The following REDIC1 variants were observed in gnomAD, a reference collection of about 807,000 sequenced individuals.
REDIC1 encodes HEI10 Interacting Protein 1.
chr12:39,738,212 C>T, the REDIC1 span, among the ~76,000 whole-genome samples: 7 of 152,156 alleles, frequency 4.6e-5, no homozygotes, highest in African/African-American at 7.2e-5. Context: ...AAATCACTTG[C>T]TCATATGGAG....
At chr12:39,783,899 G>A in the REDIC1 span, among the ~76,000 whole-genome samples, 4 of 152,102 alleles carry the variant, frequency 2.6e-5, no homozygotes, top group South Asian at 2.1e-4. Context: ...AAATCAATGT[G>A]CAAAAATCAC....
At chr12:39,755,854 G>C in the REDIC1 span, 1 of 151,916 alleles carries the variant, frequency 6.6e-6, no homozygotes, top group Admixed American at 6.6e-5. Flanking sequence ...AAATTATACG[G>C]ATAAAATACT....
At chr12:39,751,161 C>G in the REDIC1 span, among the ~76,000 whole-genome samples, 1 of 152,094 alleles carries the variant, frequency 6.6e-6, no homozygotes, top group Non-Finnish European at 1.5e-5. Context: ...GCAATCTACT[C>G]ATCTGACAAA....
chr12:39,788,457 G>A, the REDIC1 span: 5 of 152,130 alleles, frequency 3.3e-5, no homozygotes, highest in Non-Finnish European at 7.4e-5. Context: ...TGGACAAAGG[G>A]ATGATTCACA....
At chr12:39,713,366 A>G in the REDIC1 span, among the ~76,000 whole-genome samples, 1 of 144,828 alleles carries the variant, frequency 6.9e-6, no homozygotes. Flanking sequence ...ATATACGTGT[A>G]TACACATATA....
chr12:39,893,652 T>G, the REDIC1 span, among the ~76,000 whole-genome samples: 5 of 152,194 alleles, frequency 3.3e-5, no homozygotes, highest in Non-Finnish European at 7.3e-5. Flanking sequence ...AAAAGTAAGA[T>G]AAAAGTTAAA....
chr12:39,652,893 G>A, the REDIC1 span, among the ~76,000 whole-genome samples: 1 of 152,002 alleles, frequency 6.6e-6, no homozygotes, highest in Non-Finnish European at 1.5e-5. Context: ...CTGTTCTGTT[G>A]ATTATGTTAG....
the REDIC1 span, among the ~76,000 whole-genome samples, chr12:39,720,564 T>C: frequency 1.3e-5 from 2 of 152,100 alleles, no homozygotes; most frequent in Non-Finnish European, 2.9e-5. Flanking sequence ...AGATTATTAT[T>C]GTTACTGCTA....
the REDIC1 span, among the ~76,000 whole-genome samples, chr12:39,655,844 T>G: frequency 1.2e-4 from 18 of 152,210 alleles, no homozygotes; most frequent in Non-Finnish European, 2.5e-4. Context: ...CAGTTTATCG[T>G]GTGCCTTTGG....
the REDIC1 span, among the ~76,000 whole-genome samples, chr12:39,725,463 T>C: frequency 2.6e-5 from 4 of 152,276 alleles, no homozygotes; most frequent in African/African-American, 9.6e-5. Flanking sequence ...CTATTTCTCA[T>C]ATGTCTTTAG....
chr12:39,820,717 T>TTATATA, the REDIC1 span, among the ~76,000 whole-genome samples: 67 of 132,662 alleles, frequency 5.1e-4, no homozygotes, highest in South Asian at 8.0e-4. Context: ...ATTTTTAAAT[T>TTATATA]TATATATATA....
chr12:39,819,432 G>A, the REDIC1 span, among the ~76,000 whole-genome samples: 535 of 152,148 alleles, frequency 3.5e-3, 5 homozygotes, highest in Middle Eastern at 0.024. Context: ...TGTATCTGAA[G>A]TGCTCTGTCC....
the REDIC1 span, among the ~76,000 whole-genome samples, chr12:39,637,101 C>T: frequency 6.6e-6 from 1 of 151,730 alleles, no homozygotes; most frequent in Non-Finnish European, 1.5e-5. Context: ...CTTCTCCCTC[C>T]CTTCTCTCCT....
chr12:39,719,734 T>C, the REDIC1 span, among the ~76,000 whole-genome samples: 3 of 152,186 alleles, frequency 2.0e-5, no homozygotes, highest in Non-Finnish European at 4.4e-5. Context: ...TAAAGAAGCA[T>C]GTTTAGATTT....
chr12:39,682,576 T>C, the REDIC1 span: 1 of 1,453,550 alleles, frequency 6.9e-7, no homozygotes, highest in Non-Finnish European at 9.2e-7. Context: ...TAATCCATGC[T>C]TTTCTTGCTA....
chr12:39,740,167 T>A, the REDIC1 span, among the ~76,000 whole-genome samples: 1 of 152,200 alleles, frequency 6.6e-6, no homozygotes, highest in Non-Finnish European at 1.5e-5. Flanking sequence ...CATCCCTACA[T>A]TTTAGATGGT....
At chr12:39,684,810 C>T in the REDIC1 span, 1 of 1,280,486 alleles carries the variant, frequency 7.8e-7, no homozygotes, top group Middle Eastern at 1.9e-4. Flanking sequence ...TAATTTAGAA[C>T]AATAATTCCC....
the REDIC1 span, among the ~76,000 whole-genome samples, chr12:39,704,531 A>G: frequency 2.0e-5 from 3 of 152,206 alleles, no homozygotes; most frequent in Non-Finnish European, 4.4e-5. Context: ...TCAGGGATCT[A>G]GAACTAGAAA....
At chr12:39,640,725 C>A in the REDIC1 span, among the ~76,000 whole-genome samples, 13 of 151,604 alleles carry the variant, frequency 8.6e-5, no homozygotes, top group Non-Finnish European at 1.3e-4. Flanking sequence ...CTTAATTATT[C>A]ATCATTGACA....
Sources: gnomAD v4.1 joint callset for allele counts (sites outside exome capture counted in the v4.1 genomes callset) on GRCh38, gnomAD v4.1.1 for gene constraint, MANE v1.5 for transcripts, NCBI Gene and HGNC (gene_info 2026-07-23, HGNC 2026-07-21) for gene names.